Variants in TSHZ2 observed in about 807,000 individuals in gnomAD.
The protein encoded by TSHZ2 is teashirt zinc finger homeobox 2, also known as teashirt homolog 2.
A neutral mutation model predicts 74.4 loss-of-function variants in TSHZ2; 21 were observed. The observed-to-expected ratio is 0.28, with a 90% CI of 0.20 to 0.41. The LOEUF is 0.41. TSHZ2 is among the 10% of genes least tolerant of loss of function. The probability of loss-of-function intolerance (pLI) is 1.00; values close to 1 mark genes in which losing one functional copy is unlikely to be tolerated. For missense variants in TSHZ2, 1,244 were observed against 1,293.5 expected (o/e 0.96, Z 0.59); for synonymous variants, 540 against 515.3 (o/e 1.05, Z -0.65).
intron 1 of TSHZ2, among the ~76,000 whole-genome samples, chr20:53,059,154 T>TA (rs5841926): frequency 1 from 152,244 of 152,244 alleles, 76,122 homozygotes; most frequent in Non-Finnish European, 1. Flanking sequence ...ATTAAACTCC[T>TA]AAAATATTAG....
chr20:53,050,103 G>GTGTATATATATATATATATATA (rs1555819290), intron 1 of TSHZ2, among the ~76,000 whole-genome samples: 3 of 116,058 alleles, frequency 2.6e-5, no homozygotes, highest in African/African-American at 3.9e-5. Context: ...GTATATGTGT[G>GTGTATATATATATATATATATA]TATATATATA....
chr20:53,455,521 A>T (rs1423444194), intron 2 of TSHZ2: 12 of 152,076 alleles, frequency 7.9e-5, no homozygotes, highest in Non-Finnish European at 4.4e-5. Flanking sequence ...TTATTTCATA[A>T]ATGTATACTA....
chr20:53,384,635 G>T (rs762640101), intron 2 of TSHZ2, among the ~76,000 whole-genome samples: 1 of 152,174 alleles, frequency 6.6e-6, no homozygotes, highest in Non-Finnish European at 1.5e-5. Flanking sequence ...TAAAGTGATT[G>T]TGAGGCCTGC....
intron 2 of TSHZ2, among the ~76,000 whole-genome samples, chr20:53,381,536 G>A (rs1981860787): frequency 6.6e-6 from 1 of 152,180 alleles, no homozygotes; most frequent in Non-Finnish European, 1.5e-5. Context: ...AAGCTCCAGT[G>A]TGTGAAAAAT....
chr20:53,003,200 C>CTGTCTACCTG (rs1375147928), intron 1 of TSHZ2, among the ~76,000 whole-genome samples: 1 of 151,856 alleles, frequency 6.6e-6, no homozygotes, highest in Non-Finnish European at 1.5e-5. Context: ...AACATCCTGC[C>CTGTCTACCTG]TGTCTACCTG....
At chr20:53,101,348 A>AG (rs1472679424) in intron 1 of TSHZ2, among the ~76,000 whole-genome samples, 6 of 152,180 alleles carry the variant, frequency 3.9e-5, no homozygotes, top group Admixed American at 1.3e-4. Flanking sequence ...ATGAAAAAGG[A>AG]GGGGGGAGTG....
chr20:53,358,837 G>A lies in TSHZ2; in HGVS notation c.*8+102266G>A, dbSNP rs148045571. On this transcript the variant is annotated intron_variant, in intron 2 of 2. Coordinates refer to ENST00000371497, the MANE Select transcript of TSHZ2 (RefSeq NM_173485.6). ...AAAATAAAACTTCACTCAGCTGACA[G>A]ATAATCTAGGTGACAAAATCTTTTG... Among the ~76,000 whole-genome samples the A allele has an allele frequency of 3.3e-5, 5 of 152,298 alleles. No homozygotes were observed. In the East Asian group the frequency reaches 7.7e-4, roughly 23 times the overall value.
At chr20:53,362,578 T>C (rs1981109918) in intron 2 of TSHZ2, among the ~76,000 whole-genome samples, 3 of 152,182 alleles carry the variant, frequency 2.0e-5, no homozygotes, top group Admixed American at 6.5e-5. Flanking sequence ...CAGAAACTTG[T>C]TCAGCATATC....
intron 2 of TSHZ2, among the ~76,000 whole-genome samples, chr20:53,425,940 A>G (rs1401380553): frequency 6.6e-6 from 1 of 152,166 alleles, no homozygotes. Flanking sequence ...GCTGTCTCCA[A>G]AAAAACCCAT....
intron 1 of TSHZ2, among the ~76,000 whole-genome samples, chr20:53,211,738 T>C (rs1407331942): frequency 2.0e-5 from 3 of 152,108 alleles, no homozygotes; most frequent in Non-Finnish European, 4.4e-5. Flanking sequence ...AGAAGAACTT[T>C]TAATATTGAA....
chr20:53,085,577 G>T (rs972893810), intron 1 of TSHZ2, among the ~76,000 whole-genome samples: 3 of 152,098 alleles, frequency 2.0e-5, no homozygotes, highest in Admixed American at 6.5e-5. Flanking sequence ...TTATTTACAT[G>T]CCAGGCCCCT....
At chr20:53,250,901 T>TTGTG (rs11472057) in intron 1 of TSHZ2, among the ~76,000 whole-genome samples, 6,102 of 148,940 alleles carry the variant, frequency 0.041, 247 homozygotes, top group African/African-American at 0.1. Flanking sequence ...GGTGGGCAGA[T>TTGTG]TGTGTGTGTG....
chr20:53,064,171 T>A (rs1259304238), intron 1 of TSHZ2, among the ~76,000 whole-genome samples: 1 of 152,226 alleles, frequency 6.6e-6, no homozygotes, highest in Non-Finnish European at 1.5e-5. Flanking sequence ...TATTTTTAAA[T>A]GTTGTGCTTG....
chr20:53,426,990 A>G (rs568485198), intron 2 of TSHZ2, among the ~76,000 whole-genome samples: 1 of 152,292 alleles, frequency 6.6e-6, no homozygotes, highest in African/African-American at 2.4e-5. Context: ...AACTTGTCAC[A>G]GGGCTTGATT....
chr20:53,443,766 G>A (rs761780829), intron 2 of TSHZ2, among the ~76,000 whole-genome samples: 1 of 152,172 alleles, frequency 6.6e-6, no homozygotes, highest in East Asian at 1.9e-4. Context: ...TTCTGCATCC[G>A]TAAAATGAGC....
In TSHZ2 at chr20:53,256,263, C is replaced by T. The variant is rs749497532; in HGVS notation, c.2805C>T (p.Phe935=). The T allele has an allele frequency of 6.2e-7, 1 of 1,614,042 alleles. No homozygotes were observed. Among genetic ancestry groups the T allele is most frequent in the Non-Finnish European group, 8.5e-7 (1 of 1,180,022 alleles). ...IFYCSDCASQ[F]RTPSTYISHL... The stretch of plus-strand genomic sequence containing the variant: ...ATTGCAGTGACTGTGCCTCCCAGTT[C>T]AGAACCCCTTCTACCTACATCAGTC... The change falls in exon 2 of 3, where the codon TTC becomes TTT. Residue 935 remains phenylalanine, a synonymous_variant. Transcript: ENST00000371497. This position sits in a 1 kb window ranked among gnomAD's most constrained non-coding sequence, Gnocchi z 4.3.
rs73620447 is a variant in TSHZ2 at position 53,403,981 on chromosome 20, A to G, written c.*9-83163A>G. 1.2e-4 allele frequency among the ~76,000 whole-genome samples: 19 copies of G among 152,346 alleles called. No homozygotes were observed. The East Asian group carries it at 3.7e-3, about 29-fold the overall frequency. On this transcript the variant is annotated intron_variant, in intron 2 of 2. Coordinates refer to ENST00000371497, the MANE Select transcript of TSHZ2 (RefSeq NM_173485.6). ...TCTTTGAGGAAAAAGCAGTCTTTTA[A>G]TAATCAAAATCTTCATGCATTTTAT...
chr20:52,996,955 C>A (rs1033189696), intron 1 of TSHZ2, among the ~76,000 whole-genome samples: 1 of 152,148 alleles, frequency 6.6e-6, no homozygotes, highest in African/African-American at 2.4e-5. Context: ...TTAATAGGAG[C>A]CACCTTTGAT....
intron 1 of TSHZ2, among the ~76,000 whole-genome samples, chr20:52,986,059 A>G (rs1231062799): frequency 6.6e-6 from 1 of 152,190 alleles, no homozygotes; most frequent in Non-Finnish European, 1.5e-5. Flanking sequence ...AGCAGACCTC[A>G]GATTCAGAGA....
Sources: allele counts gnomAD v4.1 joint callset (sites outside exome capture counted in the v4.1 genomes callset), GRCh38; gene constraint gnomAD v4.1.1; non-coding constraint Gnocchi (gnomAD v3.1); transcripts MANE v1.5; gene names NCBI Gene and HGNC (gene_info 2026-07-23, HGNC 2026-07-21).